Variants in NPAP1 observed in about 807,000 individuals in gnomAD.
NPAP1 encodes the protein nuclear pore-associated protein 1.
For missense variants in NPAP1, 1,483 were observed against 1,454.5 expected (o/e 1.02, Z -0.32); for synonymous variants, 616 against 581.4 (o/e 1.06, Z -0.86).
At chr15:24,679,000 A>ACACCCAG in the NPAP1 span, 1 of 1,614,168 alleles carries the variant, frequency 6.2e-7, no homozygotes, top group Non-Finnish European at 8.5e-7. Flanking sequence ...ACAGAGTGGG[A>ACACCCAG]CACCCAGCAC....
Position 24,677,548 on chromosome 15 carries a change from G to A in NPAP1, c.1681G>A (p.Ala561Thr), listed in dbSNP as rs142710386. Reference sequence around the variant, plus strand: ...AGTCATTTCCACTGTCACAACAAACGCATCTGCCCACCTAACCTCACAGAC... The same window carrying A: ...AGTCATTTCCACTGTCACAACAAACACATCTGCCCACCTAACCTCACAGAC... ...TSVISTVTTN[A>T]SAHLTSQTAV... The change falls in exon 1 of 1, where the codon GCA becomes ACA. Residue 561 changes from alanine (A) to threonine (T), a missense_variant. By Grantham distance (58) the Ala-to-Thr change is moderately conservative. Coordinates refer to ENST00000329468, the MANE Select transcript of NPAP1 (RefSeq NM_018958.3). The A allele has an allele frequency of 6.1e-5, 99 of 1,613,944 alleles. No homozygotes were observed. Among genetic ancestry groups the A allele is most frequent in the Non-Finnish European group, 8.0e-5 (94 of 1,180,002 alleles).
rs1171969492 is a variant in NPAP1, at chr15:24,679,632, C to G, written c.*294C>G. Reference sequence around the variant, plus strand: ...CCACCTACCAACAAAGTACCTAGGGCCCACCTGGACAAAACACAGATGGTA... The same window carrying G: ...CCACCTACCAACAAAGTACCTAGGGGCCACCTGGACAAAACACAGATGGTA... On this transcript the variant is annotated 3_prime_UTR_variant, in exon 1 of 1. Transcript: ENST00000329468. 18 of 391,354 alleles carry G rather than the reference C, an allele frequency of 4.6e-5. No homozygotes were observed. In the South Asian group the frequency reaches 5.7e-4, roughly 12 times the overall value. 24.2% of individuals were successfully genotyped at this position (391,354 alleles called of 1,614,324 possible). A position where few individuals can be genotyped will look rare whatever the true frequency, so the allele number is the denominator to read the frequency against.
At position 24,675,831 on chromosome 15, in the gene NPAP1, G is replaced by A; in HGVS notation, c.-37G>A. On this transcript the variant is annotated 5_prime_UTR_variant, in exon 1 of 1. Coordinates refer to ENST00000329468, the MANE Select transcript of NPAP1 (RefSeq NM_018958.3). The stretch of plus-strand genomic sequence containing the variant: ...GCTGAGGAGAGTTGAGTCCACTGCT[G>A]ACCCTGTTTTACGGTAGGAGGCACG... The A allele has an allele frequency of 2.1e-6, 3 of 1,406,892 alleles. No individual in the cohort carries two copies. Among genetic ancestry groups the A allele is most frequent in the Middle Eastern group, 4.2e-4 (2 of 4,790 alleles). The allele number at this position is 1,406,892 out of a possible 1,614,324, so 87.2% of individuals were successfully genotyped here.
chr15:24,677,244 TA>T, the NPAP1 span: 1 of 1,614,126 alleles, frequency 6.2e-7, no homozygotes, highest in Admixed American at 1.7e-5. Context: ...TCACAATCCC[TA>T]ACTCTCCTCT....
Position 24,676,464 on chromosome 15 carries a change from C to T in NPAP1, c.597C>T (p.Ala199=), listed in dbSNP as rs750338767. ...SRSQGTQGDV[A]SFRCSPGPLE... ...CCCAGGGCACCCAGGGAGACGTGGC[C>T]TCCTTCAGATGCAGCCCTGGGCCTC... The change falls in exon 1 of 1, where the codon GCC becomes GCT. Residue 199 remains alanine (A), a synonymous_variant. Transcript: ENST00000329468. The T allele has an allele frequency of 1.4e-5, 22 of 1,613,816 alleles. No individual in the cohort carries two copies. Among genetic ancestry groups the T allele is most frequent in the South Asian group, 5.5e-5 (5 of 91,070 alleles).
In NPAP1 at chr15:24,680,608, T is replaced by TTGTG. The variant is rs66548326; in HGVS notation, c.*1286_*1289dup. On this transcript the variant is annotated 3_prime_UTR_variant, in exon 1 of 1. Coordinates refer to ENST00000329468, the MANE Select transcript of NPAP1 (RefSeq NM_018958.3). ...ACAGAGAGAGAGAGAGTGTGTGTGT[T>TTGTG]TGTGTGTGTGTGTGTGTGTTTATTG... 1,871 of 164,436 alleles carry TTGTG rather than the reference T, an allele frequency of 0.011. 36 individuals carry two copies. The highest frequency in any genetic ancestry group is 0.053 in the East Asian group (267 of 5,060). 10.2% of individuals were successfully genotyped at this position (164,436 alleles called of 1,614,324 possible).
Position 24,678,003 on chromosome 15 carries a change from G to C in NPAP1, c.2136G>C (p.Gln712His), listed in dbSNP as rs746766511. 6.2e-7 allele frequency: 1 copy of C among 1,614,062 alleles called. No homozygotes were observed. Among genetic ancestry groups the C allele is most frequent in the Admixed American group, 1.7e-5 (1 of 60,016 alleles). The change falls in exon 1 of 1, where the codon CAG becomes CAC. Residue 712 changes from glutamine (Q) to histidine (H), a missense_variant. Coordinates refer to ENST00000329468, the MANE Select transcript of NPAP1 (RefSeq NM_018958.3). The stretch of plus-strand genomic sequence containing the variant: ...CTCCTTCCAAGGCTGTCATCTTGCA[G>C]TCTGCCTCTGTCTCCAAGAAGTACC... The part of the protein sequence containing the change: ...TTPPSKAVIL[Q>H]SASVSKKYLP...
In NPAP1 at chr15:24,677,875, C is replaced by G; in HGVS notation, c.2008C>G (p.Leu670Val). 2 of 1,613,650 alleles carry G rather than the reference C, an allele frequency of 1.2e-6. No individual in the cohort carries two copies. Among genetic ancestry groups the G allele is most frequent in the Non-Finnish European group, 1.7e-6 (2 of 1,179,952 alleles). Reference protein sequence around the residue: ...SLPSACVFLSLPIIPPPDTST... With the variant: ...SLPSACVFLSVPIIPPPDTST... Reference sequence around the variant, plus strand: ...CCCCAGTGCCTGTGTTTTCCTGAGCCTTCCCATCATTCCTCCTCCAGACAC... The same window carrying G: ...CCCCAGTGCCTGTGTTTTCCTGAGCGTTCCCATCATTCCTCCTCCAGACAC... The change falls in exon 1 of 1, where the codon CTT becomes GTT. Residue 670 changes from leucine (L) to valine (V), a missense_variant. Transcript: ENST00000329468.
Position 24,676,709 on chromosome 15 carries a change from T to A in NPAP1, c.842T>A (p.Leu281Gln), listed in dbSNP as rs1011302628. The A allele has an allele frequency of 6.2e-7, 1 of 1,614,078 alleles. No individual in the cohort carries two copies. Among genetic ancestry groups the A allele is most frequent in the South Asian group, 1.1e-5 (1 of 91,078 alleles). The change falls in exon 1 of 1, where the codon CTG (leucine) becomes CAG (glutamine). Residue 281 changes from leucine (L) to glutamine (Q), a missense_variant. Leu to Gln is a moderately radical substitution (Grantham distance 113). Transcript: ENST00000329468. ...CAGCAGAAGTTGGCTGCGGAAGTGCTGAATGAAGAGCCACCGCCCAGCTCC... is the reference window on the plus strand; with the variant it reads ...CAGCAGAAGTTGGCTGCGGAAGTGCAGAATGAAGAGCCACCGCCCAGCTCC... ...LLQQKLAAEV[L>Q]NEEPPPSSLG... is the part of the protein sequence containing the mutation.
chr15:24,678,029 T>C lies in NPAP1; in HGVS notation c.2162T>C (p.Leu721Pro). The change falls in exon 1 of 1, where the codon CTC (leucine) becomes CCC (proline). Residue 721 changes from leucine (L) to proline (P), a missense_variant. Transcript: ENST00000329468. ...LQSASVSKKY[L>P]PFYLGLPGSG... ...TCTGCCTCTGTCTCCAAGAAGTACCTCCCATTTTACCTGGGGCTTCCTGGT... is the reference window on the plus strand; with the variant it reads ...TCTGCCTCTGTCTCCAAGAAGTACCCCCCATTTTACCTGGGGCTTCCTGGT... 1.2e-6 allele frequency: 2 copies of C among 1,613,574 alleles called. No individual in the cohort carries two copies.
chr15:24,680,015 G>A lies in NPAP1; in HGVS notation c.*677G>A. 1 of 189,998 alleles carries A rather than the reference G, an allele frequency of 5.3e-6. No individual in the cohort carries two copies. Among genetic ancestry groups the A allele is most frequent in the Non-Finnish European group, 1.2e-5 (1 of 84,740 alleles). The allele number at this position is 189,998 out of a possible 1,614,324, so 11.8% of individuals were successfully genotyped here. A position where few individuals can be genotyped will look rare whatever the true frequency, so the allele number is the denominator to read the frequency against. On this transcript the variant is annotated 3_prime_UTR_variant, in exon 1 of 1. Coordinates refer to ENST00000329468, the MANE Select transcript of NPAP1 (RefSeq NM_018958.3). ...TGTTTGTTTGTTTGTTTGTTTGTTTGTTTTTGAGACGGAGCCTTAGCCCAG... is the reference window on the plus strand; with the variant it reads ...TGTTTGTTTGTTTGTTTGTTTGTTTATTTTTGAGACGGAGCCTTAGCCCAG...
rs1310332702 is a variant in NPAP1, at chr15:24,676,063, G to C, written c.196G>C (p.Val66Leu). The C allele has an allele frequency of 1.9e-6, 3 of 1,576,922 alleles. No individual in the cohort carries two copies. The highest frequency in any genetic ancestry group is 2.6e-6 in the Non-Finnish European group (3 of 1,165,532). The change falls in exon 1 of 1, where the codon GTC becomes CTC. Residue 66 changes from valine (V) to leucine (L), a missense_variant. Val to Leu is a conservative substitution (Grantham distance 32, BLOSUM62 1). Transcript: ENST00000329468. Reference protein sequence around the residue: ...RRRPSAASIFVAPKRPCPLPR... With the variant: ...RRRPSAASIFLAPKRPCPLPR... The stretch of plus-strand genomic sequence containing the variant: ...CAGGCCTTCAGCAGCCAGCATCTTC[G>C]TCGCCCCTAAGAGGCCGTGTCCTCT...
chr15:24,677,101 C>T lies in NPAP1; in HGVS notation c.1234C>T (p.Pro412Ser), dbSNP rs770808765. 8 of 1,614,006 alleles carry T rather than the reference C, an allele frequency of 5.0e-6. No homozygotes were observed. In the Admixed American group the frequency reaches 1.2e-4, roughly 24 times the overall value. ...ACCTGTGCAGACCACAGACTCCCTG[C>T]CCCTGACCACTTACACTTCCCAGGT... ...SQPVQTTDSLPLTTYTSQVSA... is the reference protein window; with the variant it reads ...SQPVQTTDSLSLTTYTSQVSA... The change falls in exon 1 of 1, where the codon CCC becomes TCC. Residue 412 changes from proline (P) to serine (S), a missense_variant. Physicochemically the swap from Pro to Ser is moderately conservative, Grantham distance 74. Transcript: ENST00000329468.
chr15:24,676,389 C>T lies in NPAP1; in HGVS notation c.522C>T (p.Asp174=), dbSNP rs368120585. 11 of 1,570,192 alleles carry T rather than the reference C, an allele frequency of 7.0e-6. No individual in the cohort carries two copies. Among genetic ancestry groups the T allele is most frequent in the African/African-American group, 2.7e-5 (2 of 73,222 alleles). Residue 174 remains aspartate (D), a synonymous_variant, in exon 1 of 1, where the codon GAC becomes GAT. Coordinates refer to ENST00000329468, the MANE Select transcript of NPAP1 (RefSeq NM_018958.3). ...CGGTGCAGATCGAAGGGGAGGATGA[C>T]GAGAAAAGGACCCCCCTTAGCAGCG... is the stretch of plus-strand genomic sequence containing the variant. ...EDPVQIEGED[D]EKRTPLSSGE...
chr15:24,675,947 C>T lies in NPAP1; in HGVS notation c.80C>T (p.Pro27Leu), dbSNP rs189499374. ...GGGCCAGGGCGTGGCGCCCCCGCTC[C>T]CCTGTCCCGGGACGCCTCCCCGCCC... is the stretch of plus-strand genomic sequence containing the variant. Reference protein sequence around the residue: ...LPGPGRGAPAPLSRDASPPGR... With the variant: ...LPGPGRGAPALLSRDASPPGR... The change falls in exon 1 of 1, where the codon CCC becomes CTC. Residue 27 changes from proline (P) to leucine (L), a missense_variant. Physicochemically the swap from Pro to Leu is moderately conservative, Grantham distance 98 (BLOSUM62 -3). Coordinates refer to ENST00000329468, the MANE Select transcript of NPAP1 (RefSeq NM_018958.3). 1.8e-5 allele frequency: 28 copies of T among 1,590,464 alleles called. No homozygotes were observed. The African/African-American group carries it at 3.4e-4, about 19-fold the overall frequency.
rs1427715463 is a variant in NPAP1 at position 24,678,246 on chromosome 15, G to C, written c.2379G>C (p.Leu793=). 3 of 1,613,382 alleles carry C rather than the reference G, an allele frequency of 1.9e-6. No individual in the cohort carries two copies. The African/African-American group carries it at 4.0e-5, about 22-fold the overall frequency. ...KTSLPSAHDF[L]SLPIMVPPDT... is the part of the protein sequence containing the mutation. ...CTCTCCCCAGTGCCCATGATTTCCT[G>C]AGCCTTCCTATCATGGTTCCTCCAG... The change falls in exon 1 of 1, where the codon CTG becomes CTC. Residue 793 remains leucine, a synonymous_variant. Coordinates refer to ENST00000329468, the MANE Select transcript of NPAP1 (RefSeq NM_018958.3).
chr15:24,677,045 G>A lies in NPAP1; in HGVS notation c.1178G>A (p.Ser393Asn), dbSNP rs2141309434. ...AAAACAGAGACCATGACAAACAGCA[G>A]CATCACCCAGCCTGCCCCTTCTTTC... ...EDKTETMTNS[S>N]ITQPAPSFSQ... The change falls in exon 1 of 1, where the codon AGC becomes AAC. Residue 393 changes from serine to asparagine, a missense_variant. Transcript: ENST00000329468. 6.2e-7 allele frequency: 1 copy of A among 1,613,972 alleles called. No individual in the cohort carries two copies. The highest frequency in any genetic ancestry group is 8.5e-7 in the Non-Finnish European group (1 of 1,180,016).
At position 24,677,362 on chromosome 15, in the gene NPAP1, A is replaced by G. The variant is rs141141484; in HGVS notation, c.1495A>G (p.Thr499Ala). Residue 499 changes from threonine to alanine, a missense_variant, in exon 1 of 1, where the codon ACA (threonine) becomes GCA (alanine). Physicochemically the swap from Thr to Ala is moderately conservative, Grantham distance 58 (BLOSUM62 0). Coordinates refer to ENST00000329468, the MANE Select transcript of NPAP1 (RefSeq NM_018958.3). ...AGCGCCTCTCACTTCTGACCCCCCA[A>G]CACCTCCTAGCTCCACACCCTCCTT... Reference protein sequence around the residue: ...GAAPLTSDPPTPPSSTPSFKP... With the variant: ...GAAPLTSDPPAPPSSTPSFKP... 6 of 1,613,554 alleles carry G rather than the reference A, an allele frequency of 3.7e-6. No individual in the cohort carries two copies. In the African/African-American group the frequency reaches 6.7e-5, roughly 18 times the overall value.
In NPAP1 at chr15:24,677,098, C is replaced by G; in HGVS notation, c.1231C>G (p.Leu411Val). 4 of 1,614,160 alleles carry G rather than the reference C, an allele frequency of 2.5e-6. No individual in the cohort carries two copies. The highest frequency in any genetic ancestry group is 3.4e-6 in the Non-Finnish European group (4 of 1,180,042). Reference sequence around the variant, plus strand: ...CCAACCTGTGCAGACCACAGACTCCCTGCCCCTGACCACTTACACTTCCCA... The same window carrying G: ...CCAACCTGTGCAGACCACAGACTCCGTGCCCCTGACCACTTACACTTCCCA... ...FSQPVQTTDSLPLTTYTSQVS... is the reference protein window; with the variant it reads ...FSQPVQTTDSVPLTTYTSQVS... Residue 411 changes from leucine to valine, a missense_variant, in exon 1 of 1, where the codon CTG (leucine) becomes GTG (valine). Physicochemically the swap from Leu to Val is conservative, Grantham distance 32 (BLOSUM62 1). Transcript: ENST00000329468.
Sources: gnomAD v4.1 joint callset for allele counts on GRCh38, gnomAD v4.1.1 for gene constraint, MANE v1.5 for transcripts, NCBI Gene and HGNC (gene_info 2026-07-23, HGNC 2026-07-21) for gene names.